CORO2A: variants seen among roughly 807,000 people sequenced by gnomAD.
CORO2A encodes coronin-2A.
CORO2A carries 47 observed loss-of-function variants against 62.4 expected under a neutral mutation model. That is an observed-to-expected ratio of 0.75 (90% CI 0.60 to 0.96). The LOEUF (loss-of-function observed/expected upper bound fraction) is 0.96. Ranked by LOEUF, CORO2A falls within the 40% of genes least tolerant of loss-of-function variation. The pLI is 0.00. For synonymous variants in CORO2A, 273 were observed against 268.9 expected, an observed-to-expected ratio of 1.02 and a Z score of -0.15; for missense variants, 610 against 684.1, an observed-to-expected ratio of 0.89 and a Z score of 1.21.
At position 98,174,523 on chromosome 9, in the gene CORO2A, C is replaced by T. The variant is rs111556785; in HGVS notation, c.1-16863G>A. Reference sequence around the variant, plus strand: ...TGGCAGTGATGGTGATATGGTTTGGCTCTGTGTCCCCACCCAAATCTCATC... The same window carrying T: ...TGGCAGTGATGGTGATATGGTTTGGTTCTGTGTCCCCACCCAAATCTCATC... On this transcript the variant is annotated intron_variant, in intron 1 of 11. Coordinates refer to ENST00000375077, the MANE Select transcript of CORO2A (RefSeq NM_052820.4). Among the ~76,000 whole-genome samples the T allele has an allele frequency of 8.9e-3, 1,362 of 152,266 alleles. 15 individuals are homozygous for T. The highest frequency in any genetic ancestry group is 0.031 in the African/African-American group (1,298 of 41,532).
At chr9:98,153,667 C>T (rs1218372168) in intron 2 of CORO2A, among the ~76,000 whole-genome samples, 1 of 150,968 alleles carries the variant, frequency 6.6e-6, no homozygotes, top group East Asian at 2.0e-4. Flanking sequence ...CACACACACA[C>T]ACACACACAC....
intron 1 of CORO2A, among the ~76,000 whole-genome samples, chr9:98,179,989 T>A (rs909507407): frequency 6.6e-6 from 1 of 151,386 alleles, no homozygotes; most frequent in East Asian, 1.9e-4. Context: ...GATGACAGAG[T>A]GAGACTCCAT....
rs1420833862 is a variant in CORO2A, at chr9:98,131,027, G to A, written c.798C>T (p.Asp266=). Residue 266 remains aspartate, a synonymous_variant, in exon 7 of 12, where the codon GAC becomes GAT. Transcript: ENST00000375077. ...ACAGCACGCCCGAGGAGCCGTCCAG[G>A]TCCTCCTCCATCAGAGGCACAGAGA... is the stretch of plus-strand genomic sequence containing the variant. ...DNLSVPLMEE[D]LDGSSGVLFP... 2 of 1,613,760 alleles carry A rather than the reference G, an allele frequency of 1.2e-6. No individual in the cohort carries two copies. Among genetic ancestry groups the A allele is most frequent in the Non-Finnish European group, 1.7e-6 (2 of 1,179,874 alleles).
chr9:98,152,258 G>A (rs1827736266), intron 2 of CORO2A, among the ~76,000 whole-genome samples: 1 of 151,762 alleles, frequency 6.6e-6, no homozygotes, highest in South Asian at 2.1e-4. Context: ...TTACTGTGCA[G>A]GCCATGACCT....
At chr9:98,155,671 A>T (rs552692589) in intron 2 of CORO2A, among the ~76,000 whole-genome samples, 32 of 152,184 alleles carry the variant, frequency 2.1e-4, no homozygotes, top group Non-Finnish European at 4.4e-4. Context: ...AAGTACATAA[A>T]GGACTATTCC....
intron 1 of CORO2A, among the ~76,000 whole-genome samples, chr9:98,176,960 A>G (rs1262725571): frequency 6.6e-6 from 1 of 152,238 alleles, no homozygotes; most frequent in South Asian, 2.1e-4. Context: ...AGTACCAAAC[A>G]TTTTTGTTCC....
At chr9:98,137,821 C>T in intron 2 of CORO2A, 133 bp from the exon 3 acceptor site, 2 of 701,734 alleles carry the variant, frequency 2.9e-6, no homozygotes, top group Non-Finnish European at 5.1e-6. Context: ...CTAGGCCTTA[C>T]TTCTTATTCC....
intron 1 of CORO2A, among the ~76,000 whole-genome samples, chr9:98,190,338 T>C (rs1020835861): frequency 2.0e-4 from 31 of 152,052 alleles, no homozygotes; most frequent in Non-Finnish European, 2.1e-4. Flanking sequence ...CAAAATTAAA[T>C]GCCACAGGCG....
In CORO2A at chr9:98,155,313, T is replaced by TTTTA. The variant is rs1262100540; in HGVS notation, c.201+2146_201+2147insTAAA. Among the ~76,000 whole-genome samples the TTTTA allele has an allele frequency of 1.6e-4, 25 of 152,094 alleles. 1 individual carries two copies. The highest frequency in any genetic ancestry group is 1.6e-3 in the Admixed American group (25 of 15,260). On this transcript the variant is annotated intron_variant, in intron 2 of 11. Transcript: ENST00000375077. The stretch of plus-strand genomic sequence containing the variant: ...CTATAGCTCGCCTTTCCTTTTGCTA[T>TTTTA]TTTCTTTAAGGGAAATTTTTATTGC...
chr9:98,191,888 G>A (rs1366189215), intron 1 of CORO2A, among the ~76,000 whole-genome samples: 3 of 152,238 alleles, frequency 2.0e-5, no homozygotes, highest in Non-Finnish European at 4.4e-5. Flanking sequence ...GGGTGGGGAA[G>A]GGGAAGGAGC....
At chr9:98,177,745 G>GA (rs58780438) in intron 1 of CORO2A, among the ~76,000 whole-genome samples, 10,594 of 133,548 alleles carry the variant, frequency 0.079, 1,163 homozygotes, top group African/African-American at 0.26. Flanking sequence ...CCTTCCACAA[G>GA]AAAAAAAAAA....
intron 1 of CORO2A, among the ~76,000 whole-genome samples, chr9:98,180,956 G>A (rs1364256483): frequency 6.6e-6 from 1 of 152,196 alleles, no homozygotes; most frequent in Non-Finnish European, 1.5e-5. Flanking sequence ...TGTTGTGGAA[G>A]GCCATTTCTT....
chr9:98,183,307 A>G (rs1828200403), intron 1 of CORO2A, among the ~76,000 whole-genome samples: 2 of 152,168 alleles, frequency 1.3e-5, no homozygotes, highest in African/African-American at 4.8e-5. Context: ...TTGTCCCAAG[A>G]AAAGAGTCCT....
intron 1 of CORO2A, among the ~76,000 whole-genome samples, chr9:98,172,156 A>C: frequency 6.6e-6 from 1 of 151,954 alleles, no homozygotes; most frequent in Admixed American, 6.6e-5. Context: ...ATATGACTGA[A>C]GGCCTGCCTG....
intron 2 of CORO2A, among the ~76,000 whole-genome samples, chr9:98,154,352 T>TATATATATATATATATATACACAC (rs71369555): frequency 2.1e-5 from 2 of 94,058 alleles, no homozygotes; most frequent in African/African-American, 3.7e-5. Flanking sequence ...TATATATATA[T>TATATATATATATATATATACACAC]ACACAAATAC....
At chr9:98,140,313 C>T (rs1420093624) in intron 2 of CORO2A, among the ~76,000 whole-genome samples, 1 of 152,180 alleles carries the variant, frequency 6.6e-6, no homozygotes, top group African/African-American at 2.4e-5. Flanking sequence ...CAACATAGTC[C>T]TTGACTTTGC....
At chr9:98,125,141 T>A (rs1305864327) in intron 11 of CORO2A, among the ~76,000 whole-genome samples, 1 of 152,154 alleles carries the variant, frequency 6.6e-6, no homozygotes, top group African/African-American at 2.4e-5. Context: ...AGATCCTCCA[T>A]GAAATAGAGG....
intron 2 of CORO2A, among the ~76,000 whole-genome samples, chr9:98,154,751 C>T (rs1282741173): frequency 6.6e-6 from 1 of 152,156 alleles, no homozygotes; most frequent in Non-Finnish European, 1.5e-5. Context: ...TCTGACTCAA[C>T]CATGTTGTTG....
rs2118781662 is a variant in CORO2A at position 98,124,492 on chromosome 9, T to C, written c.*282A>G. The C allele has an allele frequency of 3.9e-6, 1 of 253,706 alleles. No homozygotes were observed. Among genetic ancestry groups the C allele is most frequent in the East Asian group, 8.7e-5 (1 of 11,522 alleles). 15.7% of individuals were successfully genotyped at this position (253,706 alleles called of 1,614,324 possible). ...CCAGCTCTAGTTTTCTACTGTGTTC[T>C]TTCCTCTTGAGAAGTTACAGCTCAT... On this transcript the variant is annotated 3_prime_UTR_variant, in exon 12 of 12. Coordinates refer to ENST00000375077, the MANE Select transcript of CORO2A (RefSeq NM_052820.4).
Sources: allele counts gnomAD v4.1 joint callset (sites outside exome capture counted in the v4.1 genomes callset), GRCh38; gene constraint gnomAD v4.1.1; transcripts MANE v1.5; gene names NCBI Gene and HGNC (gene_info 2026-07-23, HGNC 2026-07-21).